Variants in RUNX1T1 observed in about 807,000 individuals in gnomAD.
RUNX1T1 encodes protein CBFA2T1.
A neutral mutation model predicts 62.8 loss-of-function variants in RUNX1T1; 4 were observed. The observed-to-expected ratio is 0.06, with a 90% confidence interval of 0.03 to 0.15. The LOEUF (loss-of-function observed/expected upper bound fraction) is 0.15, where lower values mean the gene tolerates loss of function less well. RUNX1T1 is among the 10% of genes least tolerant of loss of function. The probability of loss-of-function intolerance (pLI) is 1.00; values close to 1 mark genes in which losing one functional copy is unlikely to be tolerated. For missense variants in RUNX1T1, 508 were observed against 754.3 expected, an observed-to-expected ratio of 0.67 and a Z score of 3.82; for synonymous variants, 291 against 286.0, an observed-to-expected ratio of 1.02 and a Z score of -0.18.
At chr8:92,094,837 G>T (rs1451406848) in intron 1 of RUNX1T1, among the ~76,000 whole-genome samples, 1 of 152,160 alleles carries the variant, frequency 6.6e-6, no homozygotes, top group Non-Finnish European at 1.5e-5. Context: ...CCAAAAGAGA[G>T]ACAGTCTCAC....
At chr8:91,987,184 C>G (rs1264204499) in intron 6 of RUNX1T1, among the ~76,000 whole-genome samples, 1 of 152,138 alleles carries the variant, frequency 6.6e-6, no homozygotes, top group Non-Finnish European at 1.5e-5. Context: ...TTAGAGGTCA[C>G]CTGGTCAGAA....
intron 8 of RUNX1T1, among the ~76,000 whole-genome samples, chr8:91,976,573 G>A (rs1312589117): frequency 6.6e-6 from 1 of 152,204 alleles, no homozygotes; most frequent in Admixed American, 6.5e-5. Context: ...ATTCTGTTGA[G>A]CAGAGAGAAT....
intron 1 of RUNX1T1, among the ~76,000 whole-genome samples, chr8:92,086,322 G>A (rs1836108704): frequency 6.6e-6 from 1 of 152,102 alleles, no homozygotes; most frequent in African/African-American, 2.4e-5. Flanking sequence ...TATAAAGCAG[G>A]CTGCACTGGT....
chr8:91,991,362 A>G (rs1214650976), intron 6 of RUNX1T1, among the ~76,000 whole-genome samples: 1 of 152,196 alleles, frequency 6.6e-6, no homozygotes, highest in African/African-American at 2.4e-5. Flanking sequence ...TGTTACCAAC[A>G]CAACAATTGA....
chr8:92,048,709 T>A (rs1829790990), intron 1 of RUNX1T1, among the ~76,000 whole-genome samples: 2 of 151,920 alleles, frequency 1.3e-5, no homozygotes, highest in African/African-American at 4.8e-5. Flanking sequence ...TATCCTTTAA[T>A]ATCCTAAGAA....
chr8:92,081,657 T>C (rs1160490998), intron 1 of RUNX1T1, among the ~76,000 whole-genome samples: 1 of 150,766 alleles, frequency 6.6e-6, no homozygotes, highest in Non-Finnish European at 1.5e-5. Flanking sequence ...ATCTGTTCCA[T>C]GCCAGCAATT....
intron 1 of RUNX1T1, among the ~76,000 whole-genome samples, chr8:92,060,551 ATATGTGT>A (rs1831805435): frequency 1.0e-5 from 1 of 95,328 alleles, no homozygotes; most frequent in Non-Finnish European, 2.2e-5. Context: ...ATATATATAT[ATATGTGT>A]GTGTGTGTGT....
At chr8:92,067,900 T>A (rs1053961541), upstream of RUNX1T1, among the ~76,000 whole-genome samples, 4 of 152,228 alleles carry the variant, frequency 2.6e-5, no homozygotes, top group African/African-American at 4.8e-5. Flanking sequence ...TATTTTAAAA[T>A]TTTTTGAAAT....
At chr8:91,970,543 A>G (rs1812610630) in intron 10 of RUNX1T1, 115 bp downstream of exon 11, 6 of 935,646 alleles carry the variant, frequency 6.4e-6, no homozygotes, top group Non-Finnish European at 3.0e-6. Context: ...CTTTCCCCAC[A>G]CTGTTCTAAA....
chr8:91,987,077 A>T, intron 6 of RUNX1T1, 105 bp from the exon 8 acceptor site: 2 of 770,188 alleles, frequency 2.6e-6, no homozygotes. Flanking sequence ...ATGTAAAAAT[A>T]CGTTTGATTT....
chr8:91,983,766 A>G (rs148140912), intron 8 of RUNX1T1, among the ~76,000 whole-genome samples: 1 of 152,330 alleles, frequency 6.6e-6, no homozygotes, highest in East Asian at 1.9e-4. Flanking sequence ...AGGGACTTAG[A>G]AAGCACTTAA....
At chr8:92,083,260 T>C (rs1311608233) in intron 1 of RUNX1T1, among the ~76,000 whole-genome samples, 2 of 152,146 alleles carry the variant, frequency 1.3e-5, no homozygotes, top group South Asian at 4.1e-4. Flanking sequence ...GGGATCTAAT[T>C]AAACTAAAGA....
At chr8:92,038,841 C>G (rs1436782327) in intron 1 of RUNX1T1, among the ~76,000 whole-genome samples, 1 of 152,144 alleles carries the variant, frequency 6.6e-6, no homozygotes, top group Non-Finnish European at 1.5e-5. Flanking sequence ...CCTTCTGCCT[C>G]TAGGGGCTTC....
At chr8:92,052,059 C>T (rs1191302329) in intron 1 of RUNX1T1, among the ~76,000 whole-genome samples, 1 of 152,096 alleles carries the variant, frequency 6.6e-6, no homozygotes, top group Non-Finnish European at 1.5e-5. Flanking sequence ...CAAAGCGTGT[C>T]AGACTACACT....
chr8:91,987,054 G>T, intron 6 of RUNX1T1, 82 bp from the exon 8 acceptor site: 1 of 888,862 alleles, frequency 1.1e-6, no homozygotes, highest in Non-Finnish European at 1.9e-6. Flanking sequence ...CAAGGACTAT[G>T]TGGGCAAACT....
intron 1 of RUNX1T1, among the ~76,000 whole-genome samples, chr8:92,080,916 T>G (rs1470152577): frequency 6.6e-6 from 1 of 152,240 alleles, no homozygotes; most frequent in Non-Finnish European, 1.5e-5. Flanking sequence ...CAACGCAATA[T>G]GACCAGTGAG....
At chr8:92,075,922 A>T (rs781250681) in intron 2 of RUNX1T1, 43 bp downstream of exon 2, 6 of 1,526,082 alleles carry the variant, frequency 3.9e-6, no homozygotes, top group Non-Finnish European at 5.3e-6. Context: ...TTTTTCTGGT[A>T]CGTAAGTAAA....
chr8:92,063,977 C>T (rs1832475863), upstream of RUNX1T1, among the ~76,000 whole-genome samples: 1 of 152,148 alleles, frequency 6.6e-6, no homozygotes, highest in Non-Finnish European at 1.5e-5. Flanking sequence ...CTTCAGTCCT[C>T]AACATGTCCT....
intron 8 of RUNX1T1, among the ~76,000 whole-genome samples, chr8:91,982,336 G>C (rs894808293): frequency 6.6e-6 from 1 of 150,666 alleles, no homozygotes; most frequent in Admixed American, 6.6e-5. Context: ...AAAGATTCTA[G>C]AATAGTCAAA....
Sources: gnomAD v4.1 joint callset for allele counts (sites outside exome capture counted in the v4.1 genomes callset) on GRCh38, gnomAD v4.1.1 for gene constraint, MANE v1.5 for transcripts, NCBI Gene and HGNC (gene_info 2026-07-23, HGNC 2026-07-21) for gene names.